Variants in DNAJC11 observed in about 807,000 individuals in gnomAD.
DNAJC11 encodes DnaJ heat shock protein family (Hsp40) member C11.
Under a neutral mutation model 78.6 loss-of-function variants are expected in DNAJC11, and 15 were observed. The ratio of observed to expected loss-of-function variants is 0.19; its 90% CI spans 0.13 to 0.29. The LOEUF is 0.29. DNAJC11 is among the 10% of genes least tolerant of loss of function. The pLI, the probability that DNAJC11 is intolerant of heterozygous loss-of-function variation, is 1.00. For synonymous variants in DNAJC11, 292 were observed against 272.1 expected, an observed-to-expected ratio of 1.07 and a Z score of -0.72; for missense variants, 547 against 709.6, an observed-to-expected ratio of 0.77 and a Z score of 2.60.
chr1:6,677,022 A>T (rs1642473832), intron 3 of DNAJC11, among the ~76,000 whole-genome samples: 1 of 151,874 alleles, frequency 6.6e-6, no homozygotes, highest in African/African-American at 2.4e-5. Context: ...ACAAATACAA[A>T]ATTAGCTGGG....
chr1:6,684,494 T>TATTA (rs1167752113), intron 1 of DNAJC11, among the ~76,000 whole-genome samples: 1 of 152,260 alleles, frequency 6.6e-6, no homozygotes, highest in Non-Finnish European at 1.5e-5. Context: ...ATTTCCTGGT[T>TATTA]ATTAAAATTA....
chr1:6,637,875 C>A, intron 12 of DNAJC11: 1 of 416,696 alleles, frequency 2.4e-6, no homozygotes, highest in Non-Finnish European at 4.4e-6. Context: ...AATCCCAGCT[C>A]CTCTTGAGAA....
chr1:6,701,587 G>A, intron 1 of DNAJC11, 142 bp downstream of exon 1: 2 of 788,928 alleles, frequency 2.5e-6, no homozygotes, highest in Non-Finnish European at 3.7e-6. Flanking sequence ...CGGGCGGCTG[G>A]CGTGCACGTC....
rs1055881273 is a variant in DNAJC11, at chr1:6,636,000, C to T, written c.1654+117G>A. 12 of 1,414,374 alleles carry T rather than the reference C, an allele frequency of 8.5e-6. No homozygotes were observed. The African/African-American group carries it at 1.6e-4, about 19-fold the overall frequency. The allele number at this position is 1,414,374 out of a possible 1,614,324, so 87.6% of individuals were successfully genotyped here. On this transcript the variant is annotated intron_variant, in intron 15 of 15. Coordinates refer to ENST00000377577, the MANE Select transcript of DNAJC11 (RefSeq NM_018198.4). ...ATGGGTCAAGGGCTAGTTGGCGTCT[C>T]TGCTCCCAGGTGGGCAGCTGAGGAA...
intron 14 of DNAJC11, 125 bp downstream of exon 14, chr1:6,637,073 C>T (rs1641790865): frequency 1.6e-6 from 2 of 1,286,140 alleles, no homozygotes; most frequent in Non-Finnish European, 2.2e-6. Flanking sequence ...TGATCTTGAA[C>T]TCCTGGGCTC....
At chr1:6,649,532 C>T (rs748765679) in intron 7 of DNAJC11, among the ~76,000 whole-genome samples, 14 of 152,074 alleles carry the variant, frequency 9.2e-5, no homozygotes, top group African/African-American at 1.9e-4. Flanking sequence ...CCTCCTGTTT[C>T]GCAGGCTCTC....
chr1:6,681,797 C>T (rs1035878487), intron 1 of DNAJC11, among the ~76,000 whole-genome samples: 1 of 152,070 alleles, frequency 6.6e-6, no homozygotes, highest in Non-Finnish European at 1.5e-5. Context: ...CCCTCAGAGG[C>T]CTTGGGACAC....
intron 4 of DNAJC11, among the ~76,000 whole-genome samples, chr1:6,666,707 T>TAAAGGA (rs1642300269): frequency 6.6e-6 from 1 of 152,218 alleles, no homozygotes; most frequent in African/African-American, 2.4e-5. Context: ...CGGCCTATTC[T>TAAAGGA]ATTCCTTTAC....
chr1:6,664,932 T>G, intron 4 of DNAJC11, among the ~76,000 whole-genome samples: 1 of 152,110 alleles, frequency 6.6e-6, no homozygotes, highest in East Asian at 1.9e-4. Flanking sequence ...CTGCTCTTAT[T>G]GACGAAAACA....
intron 14 of DNAJC11, 87 bp from the exon 15 acceptor site, chr1:6,636,333 C>T: frequency 3.9e-6 from 6 of 1,525,448 alleles, no homozygotes; most frequent in Non-Finnish European, 5.3e-6. Context: ...GCAGTGTGCA[C>T]AGGCTCTGAC....
chr1:6,676,800 C>T (rs1642470052), intron 3 of DNAJC11, among the ~76,000 whole-genome samples: 2 of 152,118 alleles, frequency 1.3e-5, no homozygotes, highest in South Asian at 4.1e-4. Context: ...TGCTTTTCTT[C>T]CACTCCTCAT....
chr1:6,642,495 T>TC lies in DNAJC11; in HGVS notation c.1097+2062dup, dbSNP rs1641893124. ...GGGAGAGAAAGAGATCGAGGCTGACTCCAAGGTTTTTGGACAGAGCAAGTA... is the reference window on the plus strand; with the variant it reads ...GGGAGAGAAAGAGATCGAGGCTGACTCCCAAGGTTTTTGGACAGAGCAAGTA... On this transcript the variant is annotated intron_variant, in intron 10 of 15. Coordinates refer to ENST00000377577, the MANE Select transcript of DNAJC11 (RefSeq NM_018198.4). Among the ~76,000 whole-genome samples, 4 of 152,242 alleles carry TC rather than the reference T, an allele frequency of 2.6e-5. No homozygotes were observed. In the South Asian group the frequency reaches 8.3e-4, roughly 32 times the overall value.
chr1:6,636,025 A>G, intron 15 of DNAJC11, 92 bp downstream of exon 15: 1 of 1,485,518 alleles, frequency 6.7e-7, no homozygotes, highest in East Asian at 2.4e-5. Flanking sequence ...CAGCTGAGGA[A>G]GGTGGAAGGT....
At chr1:6,637,410 C>T (rs916442712) in intron 13 of DNAJC11, 37 bp downstream of exon 13, 29 of 1,614,036 alleles carry the variant, frequency 1.8e-5, no homozygotes, top group Middle Eastern at 1.6e-4. Flanking sequence ...AGACCCCCAG[C>T]GCCCACCCTG....
At position 6,645,394 on chromosome 1, in the gene DNAJC11, C is replaced by T. The variant is rs1641949434; in HGVS notation, c.895-268G>A. On this transcript the variant is annotated intron_variant, in intron 8 of 15. Transcript: ENST00000377577. This position sits in a 1 kb window ranked among gnomAD's most constrained non-coding sequence, Gnocchi z 4.1. The stretch of plus-strand genomic sequence containing the variant: ...CTGAGCCTATGCTCCTAGGTGGCAG[C>T]GGCTGGTGAGAGCCAAGGAGCAGTG... 1.3e-5 allele frequency among the ~76,000 whole-genome samples: 2 copies of T among 152,236 alleles called. No homozygotes were observed. The highest frequency in any genetic ancestry group is 1.3e-4 in the Admixed American group (2 of 15,288).
At chr1:6,640,616 G>C (rs1224714242) in intron 10 of DNAJC11, among the ~76,000 whole-genome samples, 1 of 152,116 alleles carries the variant, frequency 6.6e-6, no homozygotes, top group Non-Finnish European at 1.5e-5. Flanking sequence ...CGAATCACCT[G>C]AGGTCAGGAA....
chr1:6,691,576 C>T (rs1450968837), intron 1 of DNAJC11, among the ~76,000 whole-genome samples: 5 of 152,180 alleles, frequency 3.3e-5, no homozygotes, highest in Non-Finnish European at 5.9e-5. Flanking sequence ...TTCTGTCATT[C>T]GTGTTCATCC....
Position 6,640,071 on chromosome 1 carries a change from C to CAAAAAAAAAAAAAAA in DNAJC11, c.1098-29_1098-15dup. 9.5e-7 allele frequency: 1 copy of CAAAAAAAAAAAAAAA among 1,047,618 alleles called. No homozygotes were observed. Among genetic ancestry groups the CAAAAAAAAAAAAAAA allele is most frequent in the Non-Finnish European group, 1.2e-6 (1 of 827,160 alleles). The allele number at this position is 1,047,618 out of a possible 1,614,324, so 64.9% of individuals were successfully genotyped here. A position where few individuals can be genotyped will look rare whatever the true frequency, so the allele number is the denominator to read the frequency against. ...GCCCTGTTGAGCCTGGGGAAAAATA[C>CAAAAAAAAAAAAAAA]AAAAAAAAAAAAAAAAAAGCCAAGA... On this transcript the variant is annotated splice_polypyrimidine_tract_variant and intron_variant, in intron 10 of 15. Transcript: ENST00000377577.
At chr1:6,652,128 C>G (rs1416364993) in intron 6 of DNAJC11, among the ~76,000 whole-genome samples, 3 of 152,202 alleles carry the variant, frequency 2.0e-5, no homozygotes, top group Admixed American at 6.5e-5. Flanking sequence ...GCCTGGCTGC[C>G]GTGTTTACTA....
Sources: gnomAD v4.1 joint callset for allele counts (sites outside exome capture counted in the v4.1 genomes callset) on GRCh38, gnomAD v4.1.1 for gene constraint, Gnocchi (gnomAD v3.1) non-coding constraint, MANE v1.5 for transcripts, NCBI Gene and HGNC (gene_info 2026-07-23, HGNC 2026-07-21) for gene names.